Variants in HEMK2 observed in about 807,000 individuals in gnomAD.
The protein encoded by HEMK2 is HemK methyltransferase 2, ETF1 glutamine and histone H4 lysine, also known as methyltransferase HEMK2.
chr21:28,600,389 C>A, the HEMK2 span, among the ~76,000 whole-genome samples: 1 of 152,258 alleles, frequency 6.6e-6, no homozygotes, highest in Non-Finnish European at 1.5e-5. Context: ...AAAGTCACAG[C>A]CTGAGCTGTA....
chr21:28,750,959 G>A, the HEMK2 span, among the ~76,000 whole-genome samples: 30 of 152,104 alleles, frequency 2.0e-4, no homozygotes, highest in Admixed American at 1.4e-3. Context: ...GGCCAGGTGC[G>A]GTGGCTCACG....
chr21:28,643,002 G>T, the HEMK2 span, among the ~76,000 whole-genome samples: 1 of 152,148 alleles, frequency 6.6e-6, no homozygotes. Context: ...GTTTAGCCGG[G>T]AACCCAGCCC....
chr21:28,845,176 G>C, the HEMK2 span, among the ~76,000 whole-genome samples: 2 of 151,986 alleles, frequency 1.3e-5, no homozygotes, highest in Admixed American at 6.6e-5. Context: ...TTTTCTTCCA[G>C]ATGGATAATC....
chr21:28,698,816 T>G, the HEMK2 span, among the ~76,000 whole-genome samples: 1 of 152,202 alleles, frequency 6.6e-6, no homozygotes, highest in African/African-American at 2.4e-5. Context: ...TGATTAGATA[T>G]TTTCCCTGAT....
chr21:28,871,628 A>G, the HEMK2 span, among the ~76,000 whole-genome samples: 3 of 151,512 alleles, frequency 2.0e-5, no homozygotes, highest in Non-Finnish European at 4.4e-5. Flanking sequence ...CAGTGTCACC[A>G]ACTGGGTAAC....
chr21:28,653,462 T>C, the HEMK2 span, among the ~76,000 whole-genome samples: 1 of 152,272 alleles, frequency 6.6e-6, no homozygotes, highest in Non-Finnish European at 1.5e-5. Context: ...GTCCTAGCTA[T>C]TCAACCCAAC....
chr21:28,600,510 C>G, the HEMK2 span, among the ~76,000 whole-genome samples: 1,042 of 152,300 alleles, frequency 6.8e-3, 20 homozygotes, highest in African/African-American at 0.024. Context: ...TTTTTTTCTT[C>G]CAAGCCCCTG....
At chr21:28,647,433 G>T in the HEMK2 span, among the ~76,000 whole-genome samples, 710 of 149,678 alleles carry the variant, frequency 4.7e-3, 7 homozygotes, top group African/African-American at 0.016. Flanking sequence ...GCTTGAAACT[G>T]GAAGGCAGAG....
the HEMK2 span, among the ~76,000 whole-genome samples, chr21:28,627,769 G>C: frequency 6.6e-6 from 1 of 152,128 alleles, no homozygotes; most frequent in Non-Finnish European, 1.5e-5. Context: ...AAGGACCAGA[G>C]GCTACTTTCT....
the HEMK2 span, among the ~76,000 whole-genome samples, chr21:28,665,389 T>A: frequency 0.044 from 1,428 of 32,246 alleles, 38 homozygotes; most frequent in African/African-American, 0.2. Flanking sequence ...TTTTTTTAAT[T>A]TTTTTTTTTT....
At chr21:28,847,980 C>G in the HEMK2 span, among the ~76,000 whole-genome samples, 76,995 of 152,066 alleles carry the variant, frequency 0.51, 21,580 homozygotes, top group East Asian at 0.8. Flanking sequence ...ATTGGTCTGT[C>G]TGTATGCTTT....
chr21:28,748,958 A>G, the HEMK2 span, among the ~76,000 whole-genome samples: 1 of 148,268 alleles, frequency 6.7e-6, no homozygotes, highest in East Asian at 2.0e-4. Context: ...TTATTGCCCA[A>G]TAAACATCAC....
the HEMK2 span, among the ~76,000 whole-genome samples, chr21:28,686,654 GGAT>G: frequency 1.3e-5 from 2 of 152,172 alleles, no homozygotes; most frequent in Non-Finnish European, 2.9e-5. Context: ...TCTGTGTGCT[GGAT>G]GAACGCTTTT....
At chr21:28,761,892 A>G in the HEMK2 span, among the ~76,000 whole-genome samples, 1 of 152,130 alleles carries the variant, frequency 6.6e-6, no homozygotes, top group Non-Finnish European at 1.5e-5. Context: ...TGGAATGAAA[A>G]GAGTTTGAAG....
the HEMK2 span, among the ~76,000 whole-genome samples, chr21:28,867,037 C>T: frequency 6.6e-6 from 1 of 151,900 alleles, no homozygotes; most frequent in African/African-American, 2.4e-5. Flanking sequence ...GAAGATATGG[C>T]GCTACAGAAA....
At chr21:28,758,268 C>G in the HEMK2 span, among the ~76,000 whole-genome samples, 3 of 152,110 alleles carry the variant, frequency 2.0e-5, no homozygotes, top group Non-Finnish European at 4.4e-5. Context: ...AAGAAAACAA[C>G]AGAACAAGAA....
At chr21:28,782,336 C>A in the HEMK2 span, among the ~76,000 whole-genome samples, 2 of 152,160 alleles carry the variant, frequency 1.3e-5, no homozygotes, top group African/African-American at 4.8e-5. Context: ...GTTTATATCT[C>A]AACATTTATA....
the HEMK2 span, chr21:28,882,946 C>A: frequency 1.5e-6 from 2 of 1,307,666 alleles, no homozygotes; most frequent in Non-Finnish European, 2.1e-6. Flanking sequence ...TCATAGTTAA[C>A]CTGTCAGTGG....
At chr21:28,771,940 C>T in the HEMK2 span, among the ~76,000 whole-genome samples, 1 of 151,248 alleles carries the variant, frequency 6.6e-6, no homozygotes, top group Non-Finnish European at 1.5e-5. Context: ...TACCCTGGAA[C>T]ATACCATTTC....
Sources: allele counts gnomAD v4.1 joint callset (sites outside exome capture counted in the v4.1 genomes callset), GRCh38; gene constraint gnomAD v4.1.1; transcripts MANE v1.5; gene names NCBI Gene and HGNC (gene_info 2026-07-23, HGNC 2026-07-21).